FBXL17: variants seen among roughly 807,000 people sequenced by gnomAD.
FBXL17 encodes F-box and leucine rich repeat protein 17, also known as F-box/LRR-repeat protein 17.
In FBXL17, 22 loss-of-function variants were observed where a neutral mutation model predicts 66.2. That is an observed-to-expected ratio of 0.33 (90% CI 0.24 to 0.47). The LOEUF is 0.47. FBXL17 is among the 20% of genes least tolerant of loss of function. The pLI is 1.00. For missense variants in FBXL17, 878 were observed against 948.2 expected, an observed-to-expected ratio of 0.93 and a Z score of 0.97; for synonymous variants, 474 against 400.5, an observed-to-expected ratio of 1.18 and a Z score of -2.19.
At chr5:108,019,414 T>A (rs998424183) in intron 7 of FBXL17, among the ~76,000 whole-genome samples, 1 of 152,084 alleles carries the variant, frequency 6.6e-6, no homozygotes, top group Non-Finnish European at 1.5e-5. Flanking sequence ...GCCTTCAGGA[T>A]AAAGTGTGAC....
intron 4 of FBXL17, among the ~76,000 whole-genome samples, chr5:108,327,525 C>T (rs189275649): frequency 6.6e-6 from 1 of 152,072 alleles, no homozygotes; most frequent in East Asian, 1.9e-4. Context: ...AAATGATAGA[C>T]ACCAAGGCAA....
chr5:108,054,380 G>A (rs1290689385), intron 6 of FBXL17, among the ~76,000 whole-genome samples: 2 of 152,172 alleles, frequency 1.3e-5, no homozygotes, highest in African/African-American at 4.8e-5. Flanking sequence ...AGAAAAGGAG[G>A]GTCACCTCAT....
Position 108,381,400 on chromosome 5 carries a change from G to A in FBXL17, c.292C>T (p.Gln98Ter). The A allele has an allele frequency of 1.5e-6, 2 of 1,326,752 alleles. No individual in the cohort carries two copies. The highest frequency in any genetic ancestry group is 1.9e-6 in the Non-Finnish European group (2 of 1,047,534). The allele number at this position is 1,326,752 out of a possible 1,614,324, so 82.2% of individuals were successfully genotyped here. ...DGAYAAASSSQHLARRYAALA... is the reference protein window; with the variant it reads ...DGAYAAASSS ...GCCGCGTAGCGCCGCGCCAGGTGCT[G>A]AGAGGAGGAGGCGGCAGCGTAGGCC... The change falls in exon 1 of 9, where the codon CAG (glutamine) becomes TAG (stop). Residue 98 changes from glutamine (Q) to a stop codon, truncating the protein, a stop_gained. Transcript: ENST00000542267. LOFTEE classifies it high-confidence loss of function.
intron 6 of FBXL17, among the ~76,000 whole-genome samples, chr5:108,045,217 G>A (rs542313833): frequency 1.1e-4 from 17 of 152,118 alleles, no homozygotes; most frequent in African/African-American, 2.7e-4. Flanking sequence ...TGAGGCAGGC[G>A]GATCATGAGG....
At chr5:108,062,935 G>C (rs995101531) in intron 6 of FBXL17, among the ~76,000 whole-genome samples, 3 of 152,096 alleles carry the variant, frequency 2.0e-5, no homozygotes, top group African/African-American at 7.2e-5. Flanking sequence ...AGTGAAAAGA[G>C]AGAACAAATA....
At chr5:107,928,200 A>G (rs1185753055) in intron 7 of FBXL17, among the ~76,000 whole-genome samples, 1 of 152,108 alleles carries the variant, frequency 6.6e-6, no homozygotes, top group East Asian at 1.9e-4. Context: ...AAGAAAAAAT[A>G]GGACTCCTAT....
chr5:108,198,537 G>A (rs1753770389), intron 5 of FBXL17, among the ~76,000 whole-genome samples: 1 of 152,134 alleles, frequency 6.6e-6, no homozygotes. Context: ...CATGGATAGT[G>A]AAGGAATGAA....
At chr5:107,970,231 T>C (rs983398430) in intron 7 of FBXL17, among the ~76,000 whole-genome samples, 4 of 152,180 alleles carry the variant, frequency 2.6e-5, no homozygotes, top group Non-Finnish European at 5.9e-5. Context: ...GGACCTGTGA[T>C]GGTTCTCTTT....
At chr5:108,322,272 G>A (rs888171962) in intron 4 of FBXL17, among the ~76,000 whole-genome samples, 1 of 151,808 alleles carries the variant, frequency 6.6e-6, no homozygotes, top group African/African-American at 2.4e-5. Context: ...CAAAACAGTG[G>A]CATATCCTAA....
chr5:108,362,969 T>C (rs1197707649), intron 3 of FBXL17, among the ~76,000 whole-genome samples: 1 of 152,006 alleles, frequency 6.6e-6, no homozygotes, highest in South Asian at 2.1e-4. Flanking sequence ...ATTCAGTCAA[T>C]TGCTAAATTA....
At chr5:107,938,664 T>C (rs1354900548) in intron 7 of FBXL17, among the ~76,000 whole-genome samples, 5 of 152,274 alleles carry the variant, frequency 3.3e-5, no homozygotes, top group African/African-American at 1.2e-4. Context: ...GCAATTTACA[T>C]CTGCTTAGTG....
At chr5:108,131,299 G>T (rs990131066) in intron 6 of FBXL17, among the ~76,000 whole-genome samples, 28 of 152,110 alleles carry the variant, frequency 1.8e-4, no homozygotes, top group Middle Eastern at 3.4e-3. Context: ...GTGACTGTTT[G>T]GTAATAATAT....
At chr5:107,878,689 C>T (rs545700793) in intron 8 of FBXL17, 21 of 985,266 alleles carry the variant, frequency 2.1e-5, no homozygotes, top group Non-Finnish European at 2.4e-5. Flanking sequence ...AACTGAATAG[C>T]TACTTTAGAT....
chr5:108,148,933 TA>T (rs1751663834), intron 6 of FBXL17, among the ~76,000 whole-genome samples: 1 of 152,250 alleles, frequency 6.6e-6, no homozygotes. Context: ...TCTTAAATGT[TA>T]ACTACATGTC....
chr5:108,020,821 TAGAC>T (rs796835134), intron 7 of FBXL17, 100 bp downstream of exon 7: 53 of 797,826 alleles, frequency 6.6e-5, no homozygotes, highest in African/African-American at 5.5e-4. Flanking sequence ...TAAGTGACGA[TAGAC>T]AGTCTCTATG....
chr5:108,001,036 T>G lies in FBXL17; in HGVS notation c.1822+19889A>C, dbSNP rs139508436. ...AATTATAAAATAGCTGTGCACTTAT[T>G]AAAATGATCTGCAAATATAAAACTG... On this transcript the variant is annotated intron_variant, in intron 7 of 8. Transcript: ENST00000542267. Among the ~76,000 whole-genome samples, 501 of 152,314 alleles carry G rather than the reference T, an allele frequency of 3.3e-3. 5 individuals carry two copies. Among genetic ancestry groups the G allele is most frequent in the African/African-American group, 0.011 (469 of 41,572 alleles).
At chr5:107,946,700 T>C (rs1461160266) in intron 7 of FBXL17, among the ~76,000 whole-genome samples, 1 of 152,002 alleles carries the variant, frequency 6.6e-6, no homozygotes, top group African/African-American at 2.4e-5. Context: ...GATGACTCTG[T>C]ATTAAGAAAA....
At chr5:108,296,109 T>G (rs542022909) in intron 4 of FBXL17, among the ~76,000 whole-genome samples, 9 of 150,774 alleles carry the variant, frequency 6.0e-5, no homozygotes, top group African/African-American at 1.9e-4. Context: ...AATAAGAGAG[T>G]TGTGAGGAGA....
At chr5:108,349,760 C>G (rs1401754436) in intron 3 of FBXL17, among the ~76,000 whole-genome samples, 5 of 152,144 alleles carry the variant, frequency 3.3e-5, no homozygotes. Context: ...TGATTTTGGC[C>G]TCATATACTA....
Sources: gnomAD v4.1 joint callset for allele counts (sites outside exome capture counted in the v4.1 genomes callset) on GRCh38, gnomAD v4.1.1 for gene constraint, MANE v1.5 for transcripts, NCBI Gene and HGNC (gene_info 2026-07-23, HGNC 2026-07-21) for gene names.